The following MAN1C1 variants were observed in gnomAD, a reference collection of about 807,000 sequenced individuals.
The protein encoded by MAN1C1 is mannosidase alpha class 1C member 1, also known as mannosyl-oligosaccharide 1,2-alpha-mannosidase IC.
A neutral mutation model predicts 71.5 loss-of-function variants in MAN1C1; 49 were observed. The ratio of observed to expected loss-of-function variants is 0.69; its 90% CI spans 0.54 to 0.87. The LOEUF (loss-of-function observed/expected upper bound fraction) is 0.87. MAN1C1 is among the 40% of genes least tolerant of loss of function. The pLI is 0.00. For synonymous variants in MAN1C1, 352 were observed against 343.7 expected (o/e 1.02, Z -0.27); for missense variants, 743 against 835.0 (o/e 0.89, Z 1.36).
At chr1:25,684,186 G>A (rs1184399961) in intron 1 of MAN1C1, among the ~76,000 whole-genome samples, 1 of 150,170 alleles carries the variant, frequency 6.7e-6, no homozygotes, top group Non-Finnish European at 1.5e-5. Flanking sequence ...GCCCCCGCCA[G>A]CCCCCCAGCC....
intron 2 of MAN1C1, among the ~76,000 whole-genome samples, chr1:25,699,893 A>C (rs2046416538): frequency 6.6e-6 from 1 of 152,174 alleles, no homozygotes; most frequent in Non-Finnish European, 1.5e-5. Flanking sequence ...GGGGCCTCTG[A>C]GGCAGGCAGA....
In MAN1C1 at chr1:25,753,630, A is replaced by G. The variant is rs764622314; in HGVS notation, c.929+52A>G. The G allele has an allele frequency of 1.9e-5, 29 of 1,544,392 alleles. No homozygotes were observed. In the South Asian group the frequency reaches 3.2e-4, roughly 17 times the overall value. ...GGGCTTTACTGCGACCATGCCCACC[A>G]TTTGTGTTTTGTCTGGGTGGTGCTG... is the stretch of plus-strand genomic sequence containing the variant. On this transcript the variant is annotated intron_variant, in intron 5 of 11. Transcript: ENST00000374332. This position sits in a 1 kb window ranked among gnomAD's most constrained non-coding sequence, Gnocchi z 4.9.
At position 25,769,234 on chromosome 1, in the gene MAN1C1, A is replaced by G. The variant is rs1387322803; in HGVS notation, c.1142-2423A>G. On this transcript the variant is annotated intron_variant, in intron 7 of 11. Transcript: ENST00000374332. This position sits in a 1 kb window ranked among gnomAD's most constrained non-coding sequence, Gnocchi z 4.8. The stretch of plus-strand genomic sequence containing the variant: ...CACACTACACATAGTCCCCTCATAC[A>G]CTACACACCACACTCCTTGACACAC... Among the ~76,000 whole-genome samples the G allele has an allele frequency of 6.8e-6, 1 of 146,346 alleles. No individual in the cohort carries two copies. The highest frequency in any genetic ancestry group is 2.0e-4 in the East Asian group (1 of 4,904).
intron 1 of MAN1C1, among the ~76,000 whole-genome samples, chr1:25,656,637 G>T (rs1360372173): frequency 6.6e-6 from 1 of 152,082 alleles, no homozygotes; most frequent in Admixed American, 6.6e-5. Context: ...TGTATGTCAG[G>T]CTGTGCTTAA....
intron 2 of MAN1C1, among the ~76,000 whole-genome samples, chr1:25,696,073 TAGG>T (rs1306119788): frequency 1.3e-5 from 2 of 152,242 alleles, no homozygotes; most frequent in African/African-American, 4.8e-5. Context: ...GCTGGGGATG[TAGG>T]AGATGATTCA....
rs561699930 is a variant in MAN1C1, at chr1:25,753,347, C to T, written c.835-137C>T. On this transcript the variant is annotated intron_variant, in intron 4 of 11. Transcript: ENST00000374332. This position sits in a 1 kb window ranked among gnomAD's most constrained non-coding sequence, Gnocchi z 4.9. ...CCACGTGGCCAGCAGTTGGAAGAACCGGGCTGGTGGACTGCAGCACTGCCC... is the reference window on the plus strand; with the variant it reads ...CCACGTGGCCAGCAGTTGGAAGAACTGGGCTGGTGGACTGCAGCACTGCCC... 32 of 534,630 alleles carry T rather than the reference C, an allele frequency of 6.0e-5. No individual in the cohort carries two copies. The highest frequency in any genetic ancestry group is 4.0e-4 in the East Asian group (12 of 30,366). The allele number at this position is 534,630 out of a possible 1,614,324, so 33.1% of individuals were successfully genotyped here.
intron 2 of MAN1C1, among the ~76,000 whole-genome samples, chr1:25,693,235 A>T (rs911000658): frequency 1.3e-5 from 2 of 152,210 alleles, no homozygotes; most frequent in Middle Eastern, 3.2e-3. Context: ...GTGAAAGTGG[A>T]TCATTATAAA....
At chr1:25,694,515 C>A (rs772812860) in intron 2 of MAN1C1, among the ~76,000 whole-genome samples, 10 of 152,146 alleles carry the variant, frequency 6.6e-5, no homozygotes, top group Admixed American at 1.3e-4. Flanking sequence ...GAATGTTCAG[C>A]CTTGGCAGAG....
At chr1:25,669,604 T>A (rs7528366) in intron 1 of MAN1C1, among the ~76,000 whole-genome samples, 5,294 of 151,474 alleles carry the variant, frequency 0.035, 282 homozygotes, top group African/African-American at 0.12. Context: ...CTATCTTTTT[T>A]AAAAAAAAAT....
chr1:25,666,377 T>C (rs1349728160), intron 1 of MAN1C1, among the ~76,000 whole-genome samples: 1 of 152,232 alleles, frequency 6.6e-6, no homozygotes, highest in East Asian at 1.9e-4. Flanking sequence ...CTCATCTTTT[T>C]ACTCCTCTTA....
rs33932251 is a variant in MAN1C1, at chr1:25,690,288, CTTTT to C, written c.637+3771_637+3774del. Among the ~76,000 whole-genome samples, 22 of 119,754 alleles carry C rather than the reference CTTTT, an allele frequency of 1.8e-4. No homozygotes were observed. The South Asian group carries it at 2.7e-3, about 15-fold the overall frequency. 78.6% of individuals were successfully genotyped at this position (119,754 alleles called of 152,430 possible). A position where few individuals can be genotyped will look rare whatever the true frequency, so the allele number is the denominator to read the frequency against. On this transcript the variant is annotated intron_variant, in intron 2 of 11. Transcript: ENST00000374332. ...CTCAGGCTAAGGCTGATCTCTGCCT[CTTTT>C]TTTTTTTTTTTTTTTTTTGAGATGG...
chr1:25,618,173 G>T lies in MAN1C1; in HGVS notation c.376G>T (p.Gly126Cys). The T allele has an allele frequency of 6.4e-7, 1 of 1,565,902 alleles. No homozygotes were observed. The highest frequency in any genetic ancestry group is 2.4e-5 in the East Asian group (1 of 42,390). The change falls in exon 1 of 12, where the codon GGC becomes TGC. Residue 126 changes from glycine (G) to cysteine (C), a missense_variant. Transcript: ENST00000374332. The part of the protein sequence containing the change: ...GPREEATAAR[G>C]NSIPASRPGD... Reference sequence around the variant, plus strand: ...CCGCGAGGAGGCCACGGCGGCCCGGGGCAATAGCATCCCGGCCTCCAGGCC... The same window carrying T: ...CCGCGAGGAGGCCACGGCGGCCCGGTGCAATAGCATCCCGGCCTCCAGGCC...
At chr1:25,751,681 C>T (rs1162587176) in intron 4 of MAN1C1, among the ~76,000 whole-genome samples, 4 of 152,246 alleles carry the variant, frequency 2.6e-5, no homozygotes, top group Admixed American at 6.5e-5. Context: ...CTGCATACCT[C>T]GTGTACTTTC....
intron 1 of MAN1C1, among the ~76,000 whole-genome samples, chr1:25,679,427 A>G (rs1007892956): frequency 1.3e-5 from 2 of 152,186 alleles, no homozygotes; most frequent in Admixed American, 6.5e-5. Context: ...ACTGGGGGCT[A>G]AGAAGAACTT....
intron 2 of MAN1C1, among the ~76,000 whole-genome samples, chr1:25,745,895 G>A (rs2047121844): frequency 6.6e-6 from 1 of 152,068 alleles, no homozygotes; most frequent in Admixed American, 6.5e-5. Flanking sequence ...GGAGGCTGAG[G>A]CACGAGAATC....
At chr1:25,665,855 C>CTCTTTTTTTTTTTTTTTTTTTTTTTTTTT (rs2045916056) in intron 1 of MAN1C1, among the ~76,000 whole-genome samples, 1 of 96,914 alleles carries the variant, frequency 1.0e-5, no homozygotes, top group African/African-American at 4.2e-5. Flanking sequence ...TTGGCATTGG[C>CTCTTTTTTTTTTTTTTTTTTTTTTTTTTT]TTTTTTTTTT....
chr1:25,716,267 A>G (rs1054059889), intron 2 of MAN1C1, among the ~76,000 whole-genome samples: 2 of 152,240 alleles, frequency 1.3e-5, no homozygotes, highest in Non-Finnish European at 2.9e-5. Flanking sequence ...AGGGGCAACT[A>G]GCAGACTTGG....
chr1:25,711,853 A>G lies in MAN1C1; in HGVS notation c.637+25317A>G, dbSNP rs1424873823. On this transcript the variant is annotated intron_variant, in intron 2 of 11. Coordinates refer to ENST00000374332, the MANE Select transcript of MAN1C1 (RefSeq NM_020379.4). The surrounding 1 kb of genome is among the most constrained non-coding windows in gnomAD (Gnocchi z 4.3). ...CTAAAAGATTCCTTTCATTCAGATC[A>G]TGAGACAGAATTGGGAAATTTAAAA... is the stretch of plus-strand genomic sequence containing the variant. Among the ~76,000 whole-genome samples the G allele has an allele frequency of 6.6e-6, 1 of 152,232 alleles. No homozygotes were observed. Among genetic ancestry groups the G allele is most frequent in the African/African-American group, 2.4e-5 (1 of 41,450 alleles).
At position 25,758,592 on chromosome 1, in the gene MAN1C1, T is replaced by C. The variant is rs1474876661; in HGVS notation, c.930T>C (p.Ser310=). The change falls in exon 6 of 12, where the codon AGT becomes AGC. Residue 310 remains serine (S), a splice_region_variant and synonymous_variant. Transcript: ENST00000374332. ...GIPKGVVSFK[S]GNWGWATAGS... is the part of the protein sequence containing the mutation. Reference sequence around the variant, plus strand: ...ACGGGGGCTGCTTCTGTCTTTTCAGTGGGAACTGGGGCTGGGCCACAGCCG... The same window carrying C: ...ACGGGGGCTGCTTCTGTCTTTTCAGCGGGAACTGGGGCTGGGCCACAGCCG... 2 of 1,613,794 alleles carry C rather than the reference T, an allele frequency of 1.2e-6. No individual in the cohort carries two copies. The highest frequency in any genetic ancestry group is 1.7e-6 in the Non-Finnish European group (2 of 1,179,926).
Sources: gnomAD v4.1 joint callset for allele counts (sites outside exome capture counted in the v4.1 genomes callset) on GRCh38, gnomAD v4.1.1 for gene constraint, Gnocchi (gnomAD v3.1) non-coding constraint, MANE v1.5 for transcripts, NCBI Gene and HGNC (gene_info 2026-07-23, HGNC 2026-07-21) for gene names.